TEN1: variants seen among roughly 807,000 people sequenced by gnomAD.
TEN1 encodes the protein CST complex subunit TEN1.
TEN1 carries 6 observed loss-of-function variants against 9.3 expected under a neutral mutation model. That is an observed-to-expected ratio of 0.65 (90% CI 0.35 to 1.27). The LOEUF is 1.27. Among genes scored for constraint, TEN1 ranks in the 50% most tolerant of loss-of-function variants. TEN1 has a pLI of 0.03. For missense variants in TEN1, 149 were observed against 158.2 expected (o/e 0.94, Z 0.31); for synonymous variants, 65 against 65.6 (o/e 0.99, Z 0.04).
At chr17:75,984,312 G>A (rs943406109) in intron 1 of TEN1, among the ~76,000 whole-genome samples, 4 of 152,190 alleles carry the variant, frequency 2.6e-5, no homozygotes, top group African/African-American at 9.6e-5. Context: ...ATTATGGGCT[G>A]TACAATGTGT....
At chr17:75,991,755 GC>G in intron 3 of TEN1, 132 bp downstream of exon 3, 1 of 1,171,494 alleles carries the variant, frequency 8.5e-7, no homozygotes, top group Non-Finnish European at 1.2e-6. Context: ...TTCCAAATTA[GC>G]CCACAAGTTC....
rs913628512 is a variant in TEN1, at chr17:76,000,099, C to G, written c.251-42C>G. ...TGCACCTTGGAGGACGTTGTTGACACGCCGCTCAGTCGCCGTTCGTGCCCT... is the reference window on the plus strand; with the variant it reads ...TGCACCTTGGAGGACGTTGTTGACAGGCCGCTCAGTCGCCGTTCGTGCCCT... On this transcript the variant is annotated intron_variant, in intron 3 of 3. Coordinates refer to ENST00000397640, the MANE Select transcript of TEN1 (RefSeq NM_001113324.3). This position sits in a 1 kb window ranked among gnomAD's most constrained non-coding sequence, Gnocchi z 5.9. The G allele has an allele frequency of 1.0e-5, 16 of 1,542,168 alleles. No homozygotes were observed. Among genetic ancestry groups the G allele is most frequent in the Non-Finnish European group, 1.4e-5 (16 of 1,140,786 alleles).
chr17:75,982,173 C>T (rs781233543), intron 1 of TEN1, among the ~76,000 whole-genome samples: 1 of 152,216 alleles, frequency 6.6e-6, no homozygotes, highest in Non-Finnish European at 1.5e-5. Context: ...TCCTCCCCCA[C>T]ACCCAGAAGG....
intron 3 of TEN1, among the ~76,000 whole-genome samples, chr17:75,997,273 G>A (rs2052484531): frequency 6.6e-6 from 1 of 152,090 alleles, no homozygotes; most frequent in South Asian, 2.1e-4. Context: ...GAACTCCAAG[G>A]ATTTGGAGCT....
intron 2 of TEN1, among the ~76,000 whole-genome samples, chr17:75,989,276 T>G (rs925580571): frequency 6.6e-6 from 1 of 151,182 alleles, no homozygotes; most frequent in African/African-American, 2.4e-5. Context: ...ATTTTTTTTT[T>G]TGTTTTTTTT....
chr17:76,000,476 C>T lies in TEN1; in HGVS notation c.*214C>T, dbSNP rs1391078192. 1.1e-5 allele frequency: 8 copies of T among 720,736 alleles called. No individual in the cohort carries two copies. The East Asian group carries it at 2.5e-4, about 22-fold the overall frequency. 44.6% of individuals were successfully genotyped at this position (720,736 alleles called of 1,614,324 possible). A position where few individuals can be genotyped will look rare whatever the true frequency, so the allele number is the denominator to read the frequency against. On this transcript the variant is annotated 3_prime_UTR_variant, in exon 4 of 4. Coordinates refer to ENST00000397640, the MANE Select transcript of TEN1 (RefSeq NM_001113324.3). The surrounding 1 kb of genome is among the most constrained non-coding windows in gnomAD (Gnocchi z 5.9). ...ATGCCATAAATCCGACAGCCCCACC[C>T]CAGGAGACTGCAGGTGGCCGAGCTT...
At chr17:75,979,783 G>T in intron 1 of TEN1, among the ~76,000 whole-genome samples, 1 of 152,000 alleles carries the variant, frequency 6.6e-6, no homozygotes, top group East Asian at 1.9e-4. Context: ...AGAGGCTCCA[G>T]TTACCTTTTG....
chr17:75,996,492 AAATAAT>A (rs1191854583), intron 3 of TEN1, among the ~76,000 whole-genome samples: 1 of 151,672 alleles, frequency 6.6e-6, no homozygotes, highest in Non-Finnish European at 1.5e-5. Context: ...TCTCAAAAAA[AAATAAT>A]AATAATAACC....
chr17:76,000,415 C>T lies in TEN1; in HGVS notation c.*153C>T. 1 of 1,158,084 alleles carries T rather than the reference C, an allele frequency of 8.6e-7. No individual in the cohort carries two copies. The highest frequency in any genetic ancestry group is 1.2e-6 in the Non-Finnish European group (1 of 851,564). The allele number at this position is 1,158,084 out of a possible 1,614,324, so 71.7% of individuals were successfully genotyped here. A position where few individuals can be genotyped will look rare whatever the true frequency, so the allele number is the denominator to read the frequency against. On this transcript the variant is annotated 3_prime_UTR_variant, in exon 4 of 4. Transcript: ENST00000397640. This position sits in a 1 kb window ranked among gnomAD's most constrained non-coding sequence, Gnocchi z 5.9. Reference sequence around the variant, plus strand: ...GTGATGAATCCAGCCCCTTCCCCTACTTTGGGATTGGCTCAGCAATGAGAA... The same window carrying T: ...GTGATGAATCCAGCCCCTTCCCCTATTTTGGGATTGGCTCAGCAATGAGAA...
chr17:75,998,948 TC>T (rs1051708249), intron 3 of TEN1, among the ~76,000 whole-genome samples: 3 of 151,810 alleles, frequency 2.0e-5, no homozygotes, highest in Admixed American at 1.3e-4. Flanking sequence ...ATCTCGGAAA[TC>T]TATTTATTAA....
At chr17:75,981,266 A>G (rs1275420558) in intron 1 of TEN1, among the ~76,000 whole-genome samples, 3 of 151,780 alleles carry the variant, frequency 2.0e-5, no homozygotes, top group Non-Finnish European at 4.4e-5. Context: ...AGCTCACTGC[A>G]ACCTCCGCCT....
intron 2 of TEN1, 120 bp downstream of exon 2, chr17:75,986,404 TA>T (rs202117827): frequency 7.7e-3 from 7,207 of 933,006 alleles, no homozygotes; most frequent in East Asian, 9.3e-3. Flanking sequence ...GTTAAAATAC[TA>T]AAAAAAAAAT....
intron 1 of TEN1, among the ~76,000 whole-genome samples, chr17:75,983,891 A>G (rs1457035657): frequency 6.6e-6 from 1 of 152,070 alleles, no homozygotes; most frequent in Non-Finnish European, 1.5e-5. Context: ...ACCTGAAAAG[A>G]TATCTCCAAA....
At position 76,000,436 on chromosome 17, in the gene TEN1, G is replaced by A. The variant is rs1732961371; in HGVS notation, c.*174G>A. The A allele has an allele frequency of 2.0e-6, 2 of 981,246 alleles. No homozygotes were observed. The highest frequency in any genetic ancestry group is 5.5e-5 in the East Asian group (2 of 36,370). 60.8% of individuals were successfully genotyped at this position (981,246 alleles called of 1,614,324 possible). Reference sequence around the variant, plus strand: ...CCTACTTTGGGATTGGCTCAGCAATGAGAACCCAGAAAGCATGCCATAAAT... The same window carrying A: ...CCTACTTTGGGATTGGCTCAGCAATAAGAACCCAGAAAGCATGCCATAAAT... On this transcript the variant is annotated 3_prime_UTR_variant, in exon 4 of 4. Transcript: ENST00000397640. The surrounding 1 kb of genome is among the most constrained non-coding windows in gnomAD (Gnocchi z 5.9).
Position 75,991,539 on chromosome 17 carries a change from C to G in TEN1, c.166C>G (p.Leu56Val). 1 of 1,552,378 alleles carries G rather than the reference C, an allele frequency of 6.4e-7. No homozygotes were observed. Among genetic ancestry groups the G allele is most frequent in the Non-Finnish European group, 8.7e-7 (1 of 1,147,134 alleles). The change falls in exon 3 of 4, where the codon CTT becomes GTT. Residue 56 changes from leucine (L) to valine (V), a missense_variant. Coordinates refer to ENST00000397640, the MANE Select transcript of TEN1 (RefSeq NM_001113324.3). Reference sequence around the variant, plus strand: ...GCACGGATCCGATCAGCACCAGGTTCTTGTCTGTACCAAGTTGGTGGAGCC... The same window carrying G: ...GCACGGATCCGATCAGCACCAGGTTGTTGTCTGTACCAAGTTGGTGGAGCC... ...AQHGSDQHQV[L>V]VCTKLVEPFH...
rs143301129 is a variant in TEN1, at chr17:75,985,964, T to A, written c.-6-223T>A. On this transcript the variant is annotated intron_variant, in intron 1 of 3. Coordinates refer to ENST00000397640, the MANE Select transcript of TEN1 (RefSeq NM_001113324.3). Reference sequence around the variant, plus strand: ...TGCAGGTTTGTTACATATGTATACATGTGCCATGTTGGTGTGCTGCACCCA... The same window carrying A: ...TGCAGGTTTGTTACATATGTATACAAGTGCCATGTTGGTGTGCTGCACCCA... Among the ~76,000 whole-genome samples, 175 of 152,148 alleles carry A rather than the reference T, an allele frequency of 1.2e-3. 2 individuals carry two copies. Among genetic ancestry groups the A allele is most frequent in the Non-Finnish European group, 5.3e-4 (36 of 68,002 alleles).
intron 3 of TEN1, 53 bp downstream of exon 3, chr17:75,991,676 G>A (rs564370974): frequency 1.3e-6 from 2 of 1,533,008 alleles, no homozygotes; most frequent in Non-Finnish European, 8.8e-7. Context: ...AGCTGGGGCA[G>A]TCTTCGGGGC....
chr17:75,982,060 C>T (rs2066124817), intron 1 of TEN1, among the ~76,000 whole-genome samples: 1 of 152,082 alleles, frequency 6.6e-6, no homozygotes, highest in African/African-American at 2.4e-5. Flanking sequence ...AAATATATTA[C>T]TCTTAACTTT....
In TEN1 at chr17:75,982,191, G is replaced by A. The variant is rs114197188; in HGVS notation, c.-7+2680G>A. The stretch of plus-strand genomic sequence containing the variant: ...TCCCCCACACCCAGAAGGAAGGAAT[G>A]CCTGTTCCAAGAGGCCAAGAAGAAT... On this transcript the variant is annotated intron_variant, in intron 1 of 3. Transcript: ENST00000397640. Among the ~76,000 whole-genome samples, 614 of 152,322 alleles carry A rather than the reference G, an allele frequency of 4.0e-3. 8 individuals are homozygous for A. The highest frequency in any genetic ancestry group is 0.014 in the African/African-American group (589 of 41,570).
Sources: gnomAD v4.1 joint callset for allele counts (sites outside exome capture counted in the v4.1 genomes callset) on GRCh38, gnomAD v4.1.1 for gene constraint, Gnocchi (gnomAD v3.1) non-coding constraint, MANE v1.5 for transcripts, NCBI Gene and HGNC (gene_info 2026-07-23, HGNC 2026-07-21) for gene names.